The following RBSN variants were observed in gnomAD, a reference collection of about 807,000 sequenced individuals.
The protein encoded by RBSN is rabenosyn-5.
Under a neutral mutation model 60.5 loss-of-function variants are expected in RBSN, and 34 were observed. The ratio of observed to expected loss-of-function variants is 0.56; its 90% CI spans 0.43 to 0.75. The LOEUF is 0.75. Among genes scored for constraint, RBSN ranks in the 30% least tolerant of loss-of-function variants. RBSN has a pLI of 0.00. For missense variants in RBSN, 845 were observed against 986.8 expected, an observed-to-expected ratio of 0.86 and a Z score of 1.92; for synonymous variants, 322 against 366.9, an observed-to-expected ratio of 0.88 and a Z score of 1.40.
At chr3:15,092,400 T>G (rs1188229119) in intron 4 of RBSN, among the ~76,000 whole-genome samples, 1 of 150,968 alleles carries the variant, frequency 6.6e-6, no homozygotes, top group Non-Finnish European at 1.5e-5. Flanking sequence ...GGGTTTTTTT[T>G]GTTTGTTTGT....
chr3:15,093,963 C>A (rs1217241345), intron 4 of RBSN, among the ~76,000 whole-genome samples: 2 of 152,168 alleles, frequency 1.3e-5, no homozygotes, highest in Non-Finnish European at 2.9e-5. Context: ...CCATGGCCTC[C>A]CAAAGTGCTG....
intron 2 of RBSN, among the ~76,000 whole-genome samples, chr3:15,097,522 GTAAATAAATAAA>G (rs58929766): frequency 9.9e-5 from 15 of 151,570 alleles, no homozygotes; most frequent in Admixed American, 3.9e-4. Flanking sequence ...TCTCAAAAAA[GTAAATAAATAAA>G]TAAATAAATA....
chr3:15,094,249 T>C (rs1052926105), intron 4 of RBSN, among the ~76,000 whole-genome samples: 25 of 152,242 alleles, frequency 1.6e-4, no homozygotes, highest in Non-Finnish European at 8.8e-5. Context: ...TTGAAAATGA[T>C]GGAAGCTCTT....
chr3:15,098,323 G>A (rs984772017), intron 1 of RBSN, 49 bp from the exon 2 acceptor site: 1 of 151,876 alleles, frequency 6.6e-6, no homozygotes, highest in East Asian at 1.9e-4. Flanking sequence ...AATGAACGAA[G>A]AAATGAATGA....
chr3:15,075,341 C>T (rs910334830), intron 13 of RBSN: 15 of 642,462 alleles, frequency 2.3e-5, no homozygotes, highest in African/African-American at 2.1e-4. Context: ...GCAACTCCTG[C>T]CATAGGGAGA....
Position 15,074,709 on chromosome 3 carries a change from C to G in RBSN, c.1428G>C (p.Ala476=). The change falls in exon 14 of 14, where the codon GCG becomes GCC. Residue 476 remains alanine, a synonymous_variant. Transcript: ENST00000253699. The surrounding 1 kb of genome is among the most constrained non-coding windows in gnomAD (Gnocchi z 6.4). ...ITSFIRQAKA[A]GRMDEVRTLQ... Reference sequence around the variant, plus strand: ...GAGTGCGCACTTCATCCATGCGGCCCGCGGCCTTGGCCTGCCTGATGAATG... The same window carrying G: ...GAGTGCGCACTTCATCCATGCGGCCGGCGGCCTTGGCCTGCCTGATGAATG... 6.2e-7 allele frequency: 1 copy of G among 1,614,254 alleles called. No individual in the cohort carries two copies. Among genetic ancestry groups the G allele is most frequent in the South Asian group, 1.1e-5 (1 of 91,092 alleles).
In RBSN at chr3:15,074,158, T is replaced by C; in HGVS notation, c.1979A>G (p.Glu660Gly). The C allele has an allele frequency of 6.2e-7, 1 of 1,613,912 alleles. No individual in the cohort carries two copies. Residue 660 changes from glutamate (E) to glycine (G), a missense_variant, in exon 14 of 14, where the codon GAG becomes GGG. By Grantham distance (98) the Glu-to-Gly change is moderately conservative (BLOSUM62 -2). Coordinates refer to ENST00000253699, the MANE Select transcript of RBSN (RefSeq NM_022340.4). This position sits in a 1 kb window ranked among gnomAD's most constrained non-coding sequence, Gnocchi z 6.4. ...GTCCTCTTCCTCGAAAGGATTGTACTCTTTCAGGATGCGGGCTGAAGGGTC... is the reference window on the plus strand; with the variant it reads ...GTCCTCTTCCTCGAAAGGATTGTACCCTTTCAGGATGCGGGCTGAAGGGTC... ...SLDPSARILK[E>G]YNPFEEEDEE...
At chr3:15,093,306 A>C (rs1006678934) in intron 4 of RBSN, among the ~76,000 whole-genome samples, 2 of 152,236 alleles carry the variant, frequency 1.3e-5, no homozygotes, top group Non-Finnish European at 2.9e-5. Context: ...GAAAACTGCA[A>C]CATAATCAAG....
chr3:15,075,214 CTG>C, intron 13 of RBSN: 1 of 553,942 alleles, frequency 1.8e-6, no homozygotes, highest in Non-Finnish European at 3.2e-6. Context: ...CCTCTAAGGT[CTG>C]TTCCCCTCAT....
intron 4 of RBSN, among the ~76,000 whole-genome samples, chr3:15,093,923 T>A (rs1319622308): frequency 2.6e-5 from 4 of 151,974 alleles, no homozygotes; most frequent in Admixed American, 1.3e-4. Flanking sequence ...CAGGCTGGTA[T>A]CAAACTCCTA....
Position 15,073,777 on chromosome 3 carries a change from G to T in RBSN, c.*5C>A. 1 of 1,593,988 alleles carries T rather than the reference G, an allele frequency of 6.3e-7. No homozygotes were observed. The highest frequency in any genetic ancestry group is 1.1e-5 in the South Asian group (1 of 87,328). On this transcript the variant is annotated 3_prime_UTR_variant, in exon 14 of 14. Coordinates refer to ENST00000253699, the MANE Select transcript of RBSN (RefSeq NM_022340.4). Reference sequence around the variant, plus strand: ...TGGGCCCAAAGGTGCCCTCTCCACTGCTGGTCAGTCAGTGCCCCCCTTCTG... The same window carrying T: ...TGGGCCCAAAGGTGCCCTCTCCACTTCTGGTCAGTCAGTGCCCCCCTTCTG...
Position 15,074,054 on chromosome 3 carries a change from C to T in RBSN, c.2083G>A (p.Glu695Lys), listed in dbSNP as rs752101943. 5.6e-6 allele frequency: 9 copies of T among 1,614,044 alleles called. No individual in the cohort carries two copies. Among genetic ancestry groups the T allele is most frequent in the African/African-American group, 1.3e-5 (1 of 74,984 alleles). The part of the protein sequence containing the change: ...PAPNPFSEED[E>K]HPQQRLSSPL... ...CTTGAGAGCCTCTGCTGGGGATGTT[C>T]GTCTTCCTCACTGAAGGGGTTAGGA... Residue 695 changes from glutamate to lysine, a missense_variant, in exon 14 of 14, where the codon GAA becomes AAA. Transcript: ENST00000253699. This position sits in a 1 kb window ranked among gnomAD's most constrained non-coding sequence, Gnocchi z 6.4.
intron 1 of RBSN, among the ~76,000 whole-genome samples, 182 bp from the exon 2 acceptor site, chr3:15,098,456 A>G (rs1259219739): frequency 2.1e-4 from 2 of 9,306 alleles, no homozygotes; most frequent in Non-Finnish European, 4.8e-4. Flanking sequence ...CGTAAAAAGT[A>G]AAAAAAATAA....
intron 10 of RBSN, among the ~76,000 whole-genome samples, chr3:15,078,393 G>A (rs933409664): frequency 6.6e-6 from 1 of 152,110 alleles, no homozygotes; most frequent in Non-Finnish European, 1.5e-5. Context: ...AGGCCTCCAA[G>A]GACTAGCCCT....
rs900146852 is a variant in RBSN, at chr3:15,072,209, T to C, written c.*1573A>G. ...GAGTTCGAAACCAGCCTGGCCAAAA[T>C]GGTGAAACTCTACCTCTACTAAAAA... On this transcript the variant is annotated 3_prime_UTR_variant, in exon 14 of 14. Coordinates refer to ENST00000253699, the MANE Select transcript of RBSN (RefSeq NM_022340.4). 3.9e-5 allele frequency: 6 copies of C among 152,364 alleles called. No individual in the cohort carries two copies. The highest frequency in any genetic ancestry group is 1.4e-4 in the African/African-American group (6 of 41,442). The allele number at this position is 152,364 out of a possible 1,614,324, so 9.4% of individuals were successfully genotyped here.
intron 9 of RBSN, among the ~76,000 whole-genome samples, chr3:15,081,938 G>C (rs1033817203): frequency 1.3e-5 from 2 of 152,178 alleles, no homozygotes; most frequent in African/African-American, 4.8e-5. Context: ...TCAGTAAACT[G>C]GTGAAGCCTG....
rs574120371 is a variant in RBSN at position 15,085,579 on chromosome 3, G to C, written c.390+282C>G. Among the ~76,000 whole-genome samples, 7 of 152,282 alleles carry C rather than the reference G, an allele frequency of 4.6e-5. No individual in the cohort carries two copies. In the East Asian group the frequency reaches 7.7e-4, roughly 17 times the overall value. Reference sequence around the variant, plus strand: ...ATTGTGCCTGGGACACCCAAAAGAAGAATCTGAAGGAAGAAAGGTTTTCCA... The same window carrying C: ...ATTGTGCCTGGGACACCCAAAAGAACAATCTGAAGGAAGAAAGGTTTTCCA... On this transcript the variant is annotated intron_variant, in intron 6 of 13. Coordinates refer to ENST00000253699, the MANE Select transcript of RBSN (RefSeq NM_022340.4).
intron 4 of RBSN, 124 bp downstream of exon 4, chr3:15,095,849 A>G (rs1349537328): frequency 3.2e-6 from 4 of 1,267,802 alleles, no homozygotes; most frequent in Non-Finnish European, 4.5e-6. Flanking sequence ...CATGACAAAC[A>G]CTAGTCATCT....
At chr3:15,094,355 C>T (rs1309609642) in intron 4 of RBSN, among the ~76,000 whole-genome samples, 3 of 152,346 alleles carry the variant, frequency 2.0e-5, no homozygotes, top group Non-Finnish European at 4.4e-5. Context: ...GATTGGAACA[C>T]GGGGCCTCTC....
Sources: gnomAD v4.1 joint callset for allele counts (sites outside exome capture counted in the v4.1 genomes callset) on GRCh38, gnomAD v4.1.1 for gene constraint, Gnocchi (gnomAD v3.1) non-coding constraint, MANE v1.5 for transcripts, NCBI Gene and HGNC (gene_info 2026-07-23, HGNC 2026-07-21) for gene names.